Variants in EP400 observed in about 807,000 individuals in gnomAD.
EP400 encodes E1A-binding protein p400.
EP400 carries 105 observed loss-of-function variants against 354.1 expected under a neutral mutation model. The ratio of observed to expected loss-of-function variants is 0.30; its 90% confidence interval spans 0.25 to 0.35. The LOEUF is 0.35. Ranked by LOEUF, EP400 falls within the 10% of genes least tolerant of loss-of-function variation. The pLI is 1.00. For synonymous variants in EP400, 1,646 were observed against 1,716.9 expected (o/e 0.96, Z 1.02); for missense variants, 3,280 against 4,121.0 (o/e 0.80, Z 5.59).
intron 22 of EP400, 106 bp downstream of exon 22, chr12:132,020,324 G>A: frequency 3.7e-6 from 5 of 1,352,196 alleles, no homozygotes; most frequent in Non-Finnish European, 5.0e-6. Flanking sequence ...GTCCCTGAGT[G>A]GGAACAGGCA....
Position 132,064,771 on chromosome 12 carries a change from T to C in EP400, c.8438T>C (p.Val2813Ala). 6.2e-7 allele frequency: 1 copy of C among 1,613,460 alleles called. No homozygotes were observed. The highest frequency in any genetic ancestry group is 1.1e-5 in the South Asian group (1 of 91,074). Residue 2813 changes from valine to alanine, a missense_variant, in exon 48 of 53, where the codon GTG becomes GCG. This residue lies in a region of EP400 where 86 missense variants were observed against 66.4 expected (regional missense o/e 1.29). Transcript: ENST00000389561. ...CCGCAGCCAACAGCCCAAGTGCAAG[T>C]GCAGACCTCGCAGCCGCCGCAGCAG... is the stretch of plus-strand genomic sequence containing the variant. ...APPQPTAQVQ[V>A]QTSQPPQQQS...
At chr12:132,074,934 G>A (rs567403635) in intron 51 of EP400, among the ~76,000 whole-genome samples, 3 of 152,064 alleles carry the variant, frequency 2.0e-5, no homozygotes, top group Non-Finnish European at 2.9e-5. Context: ...GGGACCCCTC[G>A]CAGCCTGGGG....
At chr12:131,966,793 A>C (rs1442549136) in intron 2 of EP400, among the ~76,000 whole-genome samples, 1 of 149,034 alleles carries the variant, frequency 6.7e-6, no homozygotes, top group Admixed American at 6.8e-5. Context: ...AATCCCAGCT[A>C]CTTGGGAGGC....
chr12:132,069,958 A>T (rs936552272), intron 51 of EP400, among the ~76,000 whole-genome samples: 1 of 151,634 alleles, frequency 6.6e-6, no homozygotes, highest in Non-Finnish European at 1.5e-5. Context: ...TTAAAAATAT[A>T]TTTTATTTTA....
intron 32 of EP400, among the ~76,000 whole-genome samples, chr12:132,040,778 G>C (rs1460449024): frequency 6.6e-6 from 1 of 152,248 alleles, no homozygotes; most frequent in Non-Finnish European, 1.5e-5. Context: ...GGCTGAGGGG[G>C]TGGGGAGGGT....
In EP400 at chr12:132,067,159, A is replaced by T; in HGVS notation, c.8749+190A>T. 2 of 1,139,128 alleles carry T rather than the reference A, an allele frequency of 1.8e-6. No individual in the cohort carries two copies. The highest frequency in any genetic ancestry group is 2.4e-6 in the Non-Finnish European group (2 of 819,762). The allele number at this position is 1,139,128 out of a possible 1,614,324, so 70.6% of individuals were successfully genotyped here. A position where few individuals can be genotyped will look rare whatever the true frequency, so the allele number is the denominator to read the frequency against. On this transcript the variant is annotated intron_variant, in intron 49 of 52. Coordinates refer to ENST00000389561, the MANE Select transcript of EP400 (RefSeq NM_015409.5). The surrounding 1 kb of genome is among the most constrained non-coding windows in gnomAD (Gnocchi z 5.3). ...AGGCTGGGTCCTCAATTGAACTGTTAACATTCTGAAATTTCCGTCTTAATT... is the reference window on the plus strand; with the variant it reads ...AGGCTGGGTCCTCAATTGAACTGTTTACATTCTGAAATTTCCGTCTTAATT...
rs768610117 is a variant in EP400 at position 131,979,777 on chromosome 12, C to T, written c.1419C>T (p.Pro473=). 5.6e-6 allele frequency: 9 copies of T among 1,606,694 alleles called. No homozygotes were observed. Among genetic ancestry groups the T allele is most frequent in the Non-Finnish European group, 7.6e-6 (9 of 1,176,646 alleles). Residue 473 remains proline (P), a synonymous_variant, in exon 3 of 53, where the codon CCC becomes CCT. Coordinates refer to ENST00000389561, the MANE Select transcript of EP400 (RefSeq NM_015409.5). ...TGTTTAAGAGGCAGCAGGCGATGCC[C>T]TCCACAGGTATGGCAGGTACGTCGG... ...TDLFKRQQAM[P]STGMAEQSKR...
At position 131,951,065 on chromosome 12, in the gene EP400, ATTTT is replaced by A. The variant is rs750396319; in HGVS notation, c.-36+1050_-36+1053del. On this transcript the variant is annotated intron_variant, in intron 1 of 52. Coordinates refer to ENST00000389561, the MANE Select transcript of EP400 (RefSeq NM_015409.5). ...CAGGCGCCTGCCACCACGCCTGGCT[ATTTT>A]TTTTTTTTTTTTTTTTTTTTGGATT... Among the ~76,000 whole-genome samples the A allele has an allele frequency of 2.4e-3, 253 of 104,180 alleles. 1 individual carries two copies. The highest frequency in any genetic ancestry group is 6.9e-3 in the South Asian group (20 of 2,912). 68.3% of individuals were successfully genotyped at this position (104,180 alleles called of 152,430 possible).
intron 30 of EP400, among the ~76,000 whole-genome samples, chr12:132,033,544 T>C (rs1894594963): frequency 6.8e-6 from 1 of 147,372 alleles, no homozygotes; most frequent in African/African-American, 2.5e-5. Context: ...TTTAACCTCT[T>C]TTTTTTTTTT....
At chr12:132,060,464 T>A (rs998436133) in intron 45 of EP400, among the ~76,000 whole-genome samples, 1 of 152,012 alleles carries the variant, frequency 6.6e-6, no homozygotes, top group African/African-American at 2.4e-5. Flanking sequence ...GACCAAGAGG[T>A]CTTTCAAGCA....
Position 132,021,123 on chromosome 12 carries a change from C to G in EP400, c.4492C>G (p.Pro1498Ala), listed in dbSNP as rs531232949. 2 of 1,600,288 alleles carry G rather than the reference C, an allele frequency of 1.2e-6. No homozygotes were observed. The highest frequency in any genetic ancestry group is 2.7e-5 in the African/African-American group (2 of 75,032). ...GACCTCTCAGGCTTCCGCCAGTGCT[C>G]CACGACACCAGCCCGCCTCGGCCTC... ...FQTSQASASA[P>A]RHQPASASST... is the part of the protein sequence containing the mutation. The change falls in exon 23 of 53, where the codon CCA (proline) becomes GCA (alanine). Residue 1498 changes from proline to alanine, a missense_variant. By Grantham distance (27) the Pro-to-Ala change is conservative (BLOSUM62 -1). This residue lies in a region of EP400 where 342 missense variants were observed against 342.7 expected (regional missense o/e 1.00). Coordinates refer to ENST00000389561, the MANE Select transcript of EP400 (RefSeq NM_015409.5).
chr12:132,076,870 C>T (rs984953320), intron 52 of EP400, among the ~76,000 whole-genome samples: 1 of 152,228 alleles, frequency 6.6e-6, no homozygotes, highest in African/African-American at 2.4e-5. Context: ...GCAGACACTG[C>T]CCTGTGGTTT....
At chr12:131,964,580 A>C (rs1258118316) in intron 2 of EP400, among the ~76,000 whole-genome samples, 1 of 152,210 alleles carries the variant, frequency 6.6e-6, no homozygotes, top group Admixed American at 6.5e-5. Flanking sequence ...TTTTGTTGTT[A>C]CTTTAAATTT....
intron 1 of EP400, among the ~76,000 whole-genome samples, chr12:131,956,037 T>C (rs1488805444): frequency 6.6e-6 from 1 of 152,214 alleles, no homozygotes; most frequent in Non-Finnish European, 1.5e-5. Context: ...CATTTCCTCA[T>C]GCATCTCTCT....
At chr12:132,007,681 T>C (rs2136525873) in intron 15 of EP400, among the ~76,000 whole-genome samples, 1 of 152,364 alleles carries the variant, frequency 6.6e-6, no homozygotes, top group Middle Eastern at 3.4e-3. Context: ...GGAATGTGGT[T>C]CCCACTATAT....
At position 132,070,721 on chromosome 12, in the gene EP400, A is replaced by T. The variant is rs999179102; in HGVS notation, c.9021+1080A>T. ...CAATATGATGCATCTTTTGTTACTTAAGTCTTTTTTAATGCCTTTTAATGA... is the reference window on the plus strand; with the variant it reads ...CAATATGATGCATCTTTTGTTACTTTAGTCTTTTTTAATGCCTTTTAATGA... On this transcript the variant is annotated intron_variant, in intron 51 of 52. Transcript: ENST00000389561. This position sits in a 1 kb window ranked among gnomAD's most constrained non-coding sequence, Gnocchi z 4.1. Among the ~76,000 whole-genome samples the T allele has an allele frequency of 6.6e-6, 1 of 152,152 alleles. No homozygotes were observed. Among genetic ancestry groups the T allele is most frequent in the Non-Finnish European group, 1.5e-5 (1 of 68,012 alleles).
intron 5 of EP400, among the ~76,000 whole-genome samples, chr12:131,986,213 A>G (rs1298097094): frequency 1.3e-5 from 2 of 152,156 alleles, no homozygotes. Context: ...TCCTGGGCTC[A>G]AGCAGTCCTC....
rs542714351 is a variant in EP400, at chr12:132,013,047, G to C, written c.3480G>C (p.Thr1160=). Residue 1160 remains threonine, a synonymous_variant, in exon 17 of 53, where the codon ACG becomes ACC. Coordinates refer to ENST00000389561, the MANE Select transcript of EP400 (RefSeq NM_015409.5). The surrounding 1 kb of genome is among the most constrained non-coding windows in gnomAD (Gnocchi z 4.5). ...CCAACAGCTTCCACGTCTGCATCAC[G>C]TCCTACACTCAGTTCTTCCGGGGCC... ...AEPNSFHVCI[T]SYTQFFRGLT... The C allele has an allele frequency of 6.2e-7, 1 of 1,613,762 alleles. No homozygotes were observed. Among genetic ancestry groups the C allele is most frequent in the Non-Finnish European group, 8.5e-7 (1 of 1,180,018 alleles).
At position 132,053,577 on chromosome 12, in the gene EP400, G is replaced by A; in HGVS notation, c.7708G>A (p.Gly2570Arg). The A allele has an allele frequency of 6.4e-7, 1 of 1,565,178 alleles. No individual in the cohort carries two copies. The highest frequency in any genetic ancestry group is 2.3e-5 in the East Asian group (1 of 43,342). Residue 2570 changes from glycine (G) to arginine (R), a missense_variant, in exon 43 of 53, where the codon GGG becomes AGG. Transcript: ENST00000389561. ...PAKAQPAITT[G>R]GSAAVLAGTI... ...GAAGGCGCAGCCCGCAATCACGACG[G>A]GGGGCAGTGCAGCCGTACTGGTGAG...
Sources: gnomAD v4.1 joint callset for allele counts (sites outside exome capture counted in the v4.1 genomes callset) on GRCh38, gnomAD v4.1.1 for gene constraint, gnomAD v4.1.1 regional missense constraint, Gnocchi (gnomAD v3.1) non-coding constraint, MANE v1.5 for transcripts, NCBI Gene and HGNC (gene_info 2026-07-23, HGNC 2026-07-21) for gene names.